The following ZMPSTE24 variants were observed in gnomAD, a reference collection of about 807,000 sequenced individuals.
ZMPSTE24 encodes CAAX prenyl protease 1 homolog.
ZMPSTE24 carries 48 observed loss-of-function variants against 56.7 expected under a neutral mutation model. That is an observed-to-expected ratio of 0.85 (90% CI 0.67 to 1.08). The LOEUF (loss-of-function observed/expected upper bound fraction) is 1.08. ZMPSTE24 is among the 50% of genes least tolerant of loss of function. The pLI is 0.00. For missense variants in ZMPSTE24, 503 were observed against 548.7 expected (o/e 0.92, Z 0.83); for synonymous variants, 172 against 195.2 (o/e 0.88, Z 0.99).
intron 2 of ZMPSTE24, among the ~76,000 whole-genome samples, chr1:40,265,662 C>T (rs1643541816): frequency 6.6e-6 from 1 of 152,046 alleles, no homozygotes; most frequent in African/African-American, 2.4e-5. Flanking sequence ...TAACACTGCT[C>T]CCTAGCCTGA....
rs751702387 is a variant in ZMPSTE24, at chr1:40,269,943, C to T, written c.475-32C>T. On this transcript the variant is annotated intron_variant, in intron 4 of 9. Transcript: ENST00000372759. ...ATTTTAAAAAGCAGAACCAGTTTCT[C>T]AGTTTCTTGTGGTAATGTTTTCTTT... 4.4e-6 allele frequency: 7 copies of T among 1,584,074 alleles called. No homozygotes were observed. The South Asian group carries it at 7.1e-5, about 16-fold the overall frequency.
Position 40,292,748 on chromosome 1 carries a change from A to G in ZMPSTE24, c.*79A>G, listed in dbSNP as rs1643856931. 4 of 1,399,888 alleles carry G rather than the reference A, an allele frequency of 2.9e-6. No individual in the cohort carries two copies. Among genetic ancestry groups the G allele is most frequent in the Non-Finnish European group, 4.0e-6 (4 of 1,003,572 alleles). 86.7% of individuals were successfully genotyped at this position (1,399,888 alleles called of 1,614,324 possible). On this transcript the variant is annotated 3_prime_UTR_variant, in exon 10 of 10. Coordinates refer to ENST00000372759, the MANE Select transcript of ZMPSTE24 (RefSeq NM_005857.5). ...ATGTTCCAGCTCTTGATGTTTTTAAACTTTTTTTTAGAAGAAAAATTAAGT... is the reference window on the plus strand; with the variant it reads ...ATGTTCCAGCTCTTGATGTTTTTAAGCTTTTTTTTAGAAGAAAAATTAAGT...
At chr1:40,263,518 T>A (rs1643518994) in intron 2 of ZMPSTE24, among the ~76,000 whole-genome samples, 1 of 152,184 alleles carries the variant, frequency 6.6e-6, no homozygotes, top group Non-Finnish European at 1.5e-5. Context: ...AAAAATCCAT[T>A]CTTGAAACTC....
Position 40,279,083 on chromosome 1 carries a change from G to C in ZMPSTE24, c.770-2260G>C, listed in dbSNP as rs1643701332. On this transcript the variant is annotated intron_variant, in intron 6 of 9. Transcript: ENST00000372759. ...TTGAGCTCAGGAGGTCAAGGCTGCAGTGAGCCATGATTATGCCATTGCATT... is the reference window on the plus strand; with the variant it reads ...TTGAGCTCAGGAGGTCAAGGCTGCACTGAGCCATGATTATGCCATTGCATT... Among the ~76,000 whole-genome samples, 3 of 152,198 alleles carry C rather than the reference G, an allele frequency of 2.0e-5. No homozygotes were observed. In the South Asian group the frequency reaches 6.2e-4, roughly 31 times the overall value.
chr1:40,266,761 GTTTTTTTTT>G (rs3075102), intron 2 of ZMPSTE24, among the ~76,000 whole-genome samples: 1 of 88,116 alleles, frequency 1.1e-5, no homozygotes, highest in African/African-American at 4.8e-5. Flanking sequence ...TTTCGAACAA[GTTTTTTTTT>G]TTTTTTTTTT....
intron 6 of ZMPSTE24, among the ~76,000 whole-genome samples, chr1:40,276,443 C>T (rs1464796925): frequency 6.6e-6 from 1 of 151,402 alleles, no homozygotes. Flanking sequence ...ACTGGTGTCT[C>T]AAAAACCAGG....
At chr1:40,261,029 T>C in intron 2 of ZMPSTE24, 44 bp downstream of exon 2, 1 of 1,611,412 alleles carries the variant, frequency 6.2e-7, no homozygotes, top group Non-Finnish European at 8.5e-7. Flanking sequence ...CTGGTTGTTT[T>C]CATTTTCATA....
chr1:40,266,835 A>G (rs989337736), intron 2 of ZMPSTE24, among the ~76,000 whole-genome samples: 15 of 131,748 alleles, frequency 1.1e-4, no homozygotes, highest in Non-Finnish European at 1.5e-5. Context: ...AGGCACGATC[A>G]TGGCCCACTG....
chr1:40,259,040 C>G (rs1452915564), intron 1 of ZMPSTE24, among the ~76,000 whole-genome samples: 1 of 152,060 alleles, frequency 6.6e-6, no homozygotes, highest in African/African-American at 2.4e-5. Flanking sequence ...CACCTGTAGT[C>G]CCAGCTACTT....
rs189983026 is a variant in ZMPSTE24 at position 40,293,363 on chromosome 1, G to C, written c.*694G>C. ...TGTTTGTTTGTTTCTTTTGTTTTTTGGAAAATCCGTGTCTTTATCTTTTTT... is the reference window on the plus strand; with the variant it reads ...TGTTTGTTTGTTTCTTTTGTTTTTTCGAAAATCCGTGTCTTTATCTTTTTT... On this transcript the variant is annotated 3_prime_UTR_variant, in exon 10 of 10. Coordinates refer to ENST00000372759, the MANE Select transcript of ZMPSTE24 (RefSeq NM_005857.5). The C allele has an allele frequency of 1.8e-4, 28 of 151,918 alleles. No individual in the cohort carries two copies. Among genetic ancestry groups the C allele is most frequent in the Admixed American group, 1.6e-3 (25 of 15,246 alleles). 9.4% of individuals were successfully genotyped at this position (151,918 alleles called of 1,614,324 possible).
intron 5 of ZMPSTE24, among the ~76,000 whole-genome samples, chr1:40,271,608 T>G (rs1431151500): frequency 2.0e-5 from 3 of 152,240 alleles, no homozygotes; most frequent in Non-Finnish European, 4.4e-5. Context: ...AGGACTATAC[T>G]TATTACCACC....
At chr1:40,288,361 T>A (rs1379720186) in intron 8 of ZMPSTE24, among the ~76,000 whole-genome samples, 1 of 152,150 alleles carries the variant, frequency 6.6e-6, no homozygotes, top group Non-Finnish European at 1.5e-5. Context: ...TCAATTGAGT[T>A]TTCAGTCTAA....
Position 40,268,549 on chromosome 1 carries a change from T to C in ZMPSTE24, c.474+14T>C, listed in dbSNP as rs1035883743. On this transcript the variant is annotated intron_variant, in intron 4 of 9. Transcript: ENST00000372759. ...TTCAATCAACAGGTATAATAAAGAA[T>C]ACAAATGTTCTCTTTTAAATGTGAA... 2 of 1,503,062 alleles carry C rather than the reference T, an allele frequency of 1.3e-6. No individual in the cohort carries two copies. The highest frequency in any genetic ancestry group is 1.4e-5 in the African/African-American group (1 of 72,722). 93.1% of individuals were successfully genotyped at this position (1,503,062 alleles called of 1,614,324 possible). A position where few individuals can be genotyped will look rare whatever the true frequency, so the allele number is the denominator to read the frequency against.
chr1:40,273,537 A>AAAAAAAAAAATATAT (rs1224234676), intron 6 of ZMPSTE24, among the ~76,000 whole-genome samples: 4 of 12,384 alleles, frequency 3.2e-4, no homozygotes, highest in Non-Finnish European at 4.0e-4. Context: ...AAAAAAAAAA[A>AAAAAAAAAAATATAT]ATATATATAT....
chr1:40,258,317 G>C lies in ZMPSTE24; in HGVS notation c.46G>C (p.Glu16Gln), dbSNP rs1046247. Residue 16 changes from glutamate (E) to glutamine (Q), a missense_variant, in exon 1 of 10, where the codon GAG becomes CAG. Transcript: ENST00000372759. ...SLDALWEMPA[E>Q]KRIFGAVLLF... ...GGACGCTTTGTGGGAGATGCCGGCCGAGAAGCGTATCTTCGGGGCCGTGCT... is the reference window on the plus strand; with the variant it reads ...GGACGCTTTGTGGGAGATGCCGGCCCAGAAGCGTATCTTCGGGGCCGTGCT... 13 of 1,614,148 alleles carry C rather than the reference G, an allele frequency of 8.1e-6. No homozygotes were observed. Among genetic ancestry groups the C allele is most frequent in the South Asian group, 7.7e-5 (7 of 91,080 alleles).
At chr1:40,276,640 C>G (rs1206524124) in intron 6 of ZMPSTE24, among the ~76,000 whole-genome samples, 1 of 152,212 alleles carries the variant, frequency 6.6e-6, no homozygotes, top group Non-Finnish European at 1.5e-5. Flanking sequence ...AAATAAACAT[C>G]ATTGAATATA....
intron 6 of ZMPSTE24, among the ~76,000 whole-genome samples, chr1:40,272,697 A>G (rs1443125222): frequency 1.3e-5 from 2 of 152,214 alleles, no homozygotes; most frequent in South Asian, 2.1e-4. Context: ...TAAAGTCTCA[A>G]AGAAGACTAC....
At chr1:40,287,997 C>T (rs1031079360) in intron 8 of ZMPSTE24, among the ~76,000 whole-genome samples, 2 of 151,920 alleles carry the variant, frequency 1.3e-5, no homozygotes, top group Non-Finnish European at 1.5e-5. Flanking sequence ...GGCAACATAG[C>T]GAGACCCCCT....
At chr1:40,266,956 A>G in intron 2 of ZMPSTE24, among the ~76,000 whole-genome samples, 1 of 151,754 alleles carries the variant, frequency 6.6e-6, no homozygotes, top group East Asian at 1.9e-4. Flanking sequence ...TCTTGTAGGG[A>G]CAGGTTTCAC....
Sources: allele counts gnomAD v4.1 joint callset (sites outside exome capture counted in the v4.1 genomes callset), GRCh38; gene constraint gnomAD v4.1.1; transcripts MANE v1.5; gene names NCBI Gene and HGNC (gene_info 2026-07-23, HGNC 2026-07-21).